Variants in COPZ1 observed in about 807,000 individuals in gnomAD.
COPZ1 encodes coatomer subunit zeta-1.
Under a neutral mutation model 31.7 loss-of-function variants are expected in COPZ1, and 4 were observed. That is an observed-to-expected ratio of 0.13 (90% CI 0.06 to 0.29). The LOEUF is 0.29. Ranked by LOEUF, COPZ1 falls within the 10% of genes least tolerant of loss-of-function variation. COPZ1 has a pLI of 1.00. For synonymous variants in COPZ1, 74 were observed against 79.0 expected, an observed-to-expected ratio of 0.94 and a Z score of 0.33; for missense variants, 156 against 211.5, an observed-to-expected ratio of 0.74 and a Z score of 1.63.
intron 4 of COPZ1, among the ~76,000 whole-genome samples, chr12:54,344,250 C>G (rs148259890): frequency 3.3e-5 from 5 of 151,784 alleles, no homozygotes; most frequent in Middle Eastern, 3.4e-3. Flanking sequence ...CAGGAGTTCG[C>G]GACCAGGCTG....
rs1262930101 is a variant in COPZ1 at position 54,346,632 on chromosome 12, G to A, written c.317+1117G>A. On this transcript the variant is annotated intron_variant, in intron 5 of 8. Transcript: ENST00000262061. The stretch of plus-strand genomic sequence containing the variant: ...TGTAGAACAGGAAGCACCCAGGCAG[G>A]AGGACTGCATGAGTCGAGTTCAAGA... 3 of 701,968 alleles carry A rather than the reference G, an allele frequency of 4.3e-6. No individual in the cohort carries two copies. The South Asian group carries it at 4.4e-5, about 10-fold the overall frequency. The allele number at this position is 701,968 out of a possible 1,614,324, so 43.5% of individuals were successfully genotyped here.
At chr12:54,334,379 C>A (rs1235446055) in intron 1 of COPZ1, among the ~76,000 whole-genome samples, 1 of 151,940 alleles carries the variant, frequency 6.6e-6, no homozygotes, top group Non-Finnish European at 1.5e-5. Flanking sequence ...CAAGATCACG[C>A]CACTGCACTT....
At chr12:54,334,200 C>T (rs560594995) in intron 1 of COPZ1, among the ~76,000 whole-genome samples, 7 of 151,644 alleles carry the variant, frequency 4.6e-5, no homozygotes, top group African/African-American at 1.7e-4. Flanking sequence ...TCGAGACCAG[C>T]TTGGCCAACA....
At chr12:54,326,491 A>G (rs1156534955) in intron 1 of COPZ1, among the ~76,000 whole-genome samples, 1 of 147,734 alleles carries the variant, frequency 6.8e-6, no homozygotes, top group Non-Finnish European at 1.5e-5. Flanking sequence ...CTCTGGTTAC[A>G]TGAGAATTGT....
At chr12:54,345,330 C>A in intron 4 of COPZ1, 130 bp from the exon 5 acceptor site, 2 of 610,248 alleles carry the variant, frequency 3.3e-6, no homozygotes, top group Non-Finnish European at 5.9e-6. Context: ...CTCTCACTTC[C>A]ACTTTATGTT....
intron 1 of COPZ1, among the ~76,000 whole-genome samples, chr12:54,328,275 C>CAA (rs35785237): frequency 1.1e-3 from 121 of 111,552 alleles, no homozygotes; most frequent in East Asian, 3.8e-3. Context: ...GACTCCATCT[C>CAA]AAAAAAAAAA....
At position 54,343,289 on chromosome 12, in the gene COPZ1, T is replaced by C; in HGVS notation, c.234T>C (p.Tyr78=). The C allele has an allele frequency of 6.2e-7, 1 of 1,613,938 alleles. No individual in the cohort carries two copies. Among genetic ancestry groups the C allele is most frequent in the South Asian group, 1.1e-5 (1 of 91,082 alleles). The change falls in exon 4 of 9, where the codon TAT becomes TAC. Residue 78 remains tyrosine, a synonymous_variant. Coordinates refer to ENST00000262061, the MANE Select transcript of COPZ1 (RefSeq NM_016057.3). Reference sequence around the variant, plus strand: ...AAAGCAGTATAGATCTCTATTTCTATGTGATTGGCAGCTCCTATGAAAATG... The same window carrying C: ...AAAGCAGTATAGATCTCTATTTCTACGTGATTGGCAGCTCCTATGAAAATG... The part of the protein sequence containing the change: ...VYKSSIDLYF[Y]VIGSSYENEL...
intron 5 of COPZ1, among the ~76,000 whole-genome samples, chr12:54,346,984 T>G (rs1954074897): frequency 6.6e-6 from 1 of 152,314 alleles, no homozygotes; most frequent in South Asian, 2.1e-4. Context: ...TAAGTTACTT[T>G]TCCTGAAAAC....
intron 1 of COPZ1, among the ~76,000 whole-genome samples, chr12:54,335,519 C>T (rs1216315510): frequency 6.6e-6 from 1 of 152,030 alleles, no homozygotes; most frequent in African/African-American, 2.4e-5. Context: ...AGCGATTCTC[C>T]TGCCTCAGCC....
chr12:54,343,537 ACAT>A (rs1243526100), intron 4 of COPZ1, among the ~76,000 whole-genome samples: 3 of 152,212 alleles, frequency 2.0e-5, no homozygotes, highest in Non-Finnish European at 4.4e-5. Context: ...CCATTAGGAA[ACAT>A]CATATATGTT....
At chr12:54,326,430 G>T (rs1447809520) in intron 1 of COPZ1, among the ~76,000 whole-genome samples, 1 of 148,338 alleles carries the variant, frequency 6.7e-6, no homozygotes, top group East Asian at 2.0e-4. Flanking sequence ...GTGAGCCACT[G>T]CGCCGGGCCA....
intron 3 of COPZ1, 34 bp downstream of exon 3, chr12:54,342,321 G>C: frequency 6.7e-7 from 1 of 1,491,310 alleles, no homozygotes; most frequent in Non-Finnish European, 9.4e-7. Context: ...TACCCGTGCT[G>C]GGGGGAACCA....
At chr12:54,341,971 A>G (rs994952801) in intron 2 of COPZ1, among the ~76,000 whole-genome samples, 1 of 152,180 alleles carries the variant, frequency 6.6e-6, no homozygotes. Flanking sequence ...CTGCCTTCAG[A>G]CAGTCTTGGA....
At chr12:54,329,020 C>G (rs1953708352) in intron 1 of COPZ1, among the ~76,000 whole-genome samples, 3 of 152,134 alleles carry the variant, frequency 2.0e-5, no homozygotes, top group Admixed American at 1.3e-4. Context: ...ATTAAGTAAT[C>G]CAGCTCTAGC....
At chr12:54,343,381 C>A in intron 4 of COPZ1, 65 bp downstream of exon 4, 1 of 1,391,830 alleles carries the variant, frequency 7.2e-7, no homozygotes, top group Non-Finnish European at 1.0e-6. Context: ...CAGTACATAG[C>A]CACTGGTTTG....
At chr12:54,325,425 A>C in intron 1 of COPZ1, 1 of 570,870 alleles carries the variant, frequency 1.8e-6, no homozygotes, top group Non-Finnish European at 3.1e-6. Context: ...TGGACTCCTT[A>C]GGATACACAG....
At chr12:54,332,593 G>A (rs916061649) in intron 1 of COPZ1, among the ~76,000 whole-genome samples, 1 of 152,000 alleles carries the variant, frequency 6.6e-6, no homozygotes, top group African/African-American at 2.4e-5. Context: ...AATTAGCCAG[G>A]TGTGGTGGTG....
chr12:54,326,154 T>TATTATTATTATTATTATTA (rs1376870667), intron 1 of COPZ1, among the ~76,000 whole-genome samples: 2 of 146,712 alleles, frequency 1.4e-5, no homozygotes, highest in East Asian at 2.0e-4. Flanking sequence ...TTATTATTAT[T>TATTATTATTATTATTATTA]TTTGAGACGG....
intron 1 of COPZ1, among the ~76,000 whole-genome samples, chr12:54,336,689 G>A (rs1299965987): frequency 6.6e-6 from 1 of 151,664 alleles, no homozygotes; most frequent in Non-Finnish European, 1.5e-5. Context: ...CTAGGGGAGA[G>A]AGTTCTTGGA....
Sources: allele counts gnomAD v4.1 joint callset (sites outside exome capture counted in the v4.1 genomes callset), GRCh38; gene constraint gnomAD v4.1.1; transcripts MANE v1.5; gene names NCBI Gene and HGNC (gene_info 2026-07-23, HGNC 2026-07-21).